Variants in SYT14 observed in about 807,000 individuals in gnomAD.
SYT14 encodes the protein synaptotagmin-14.
SYT14 carries 32 observed loss-of-function variants against 74.2 expected under a neutral mutation model. The observed-to-expected ratio is 0.43, with a 90% CI of 0.33 to 0.58. The LOEUF (loss-of-function observed/expected upper bound fraction) is 0.58. Ranked by LOEUF, SYT14 falls within the 20% of genes least tolerant of loss-of-function variation. The probability of loss-of-function intolerance (pLI) is 0.05; values close to 1 mark genes in which losing one functional copy is unlikely to be tolerated. For synonymous variants in SYT14, 298 were observed against 337.7 expected, an observed-to-expected ratio of 0.88 and a Z score of 1.29; for missense variants, 791 against 981.8, an observed-to-expected ratio of 0.81 and a Z score of 2.60.
intron 5 of SYT14, among the ~76,000 whole-genome samples, chr1:210,037,118 G>A (rs749666939): frequency 1.3e-5 from 2 of 151,814 alleles, no homozygotes; most frequent in Non-Finnish European, 2.9e-5. Context: ...ACTCATTATT[G>A]GTCTGTTCAG....
In SYT14 at chr1:210,005,064, A is replaced by T. The variant is rs557158022; in HGVS notation, c.-485-8569A>T. Reference sequence around the variant, plus strand: ...TTTATTTAGTGGATAAGAAAACATGATATGCTGGTAAGGTTAGATGAAGCT... The same window carrying T: ...TTTATTTAGTGGATAAGAAAACATGTTATGCTGGTAAGGTTAGATGAAGCT... On this transcript the variant is annotated intron_variant, in intron 2 of 9. Transcript: ENST00000637265. Among the ~76,000 whole-genome samples, 6 of 152,112 alleles carry T rather than the reference A, an allele frequency of 3.9e-5. No individual in the cohort carries two copies. The East Asian group carries it at 1.2e-3, about 29-fold the overall frequency.
At chr1:210,075,617 G>A (rs2081484967) in intron 5 of SYT14, among the ~76,000 whole-genome samples, 1 of 152,170 alleles carries the variant, frequency 6.6e-6, no homozygotes, top group Non-Finnish European at 1.5e-5. Flanking sequence ...ACAGGCATGA[G>A]CCACCGTGCC....
At chr1:210,133,359 A>T in intron 7 of SYT14, among the ~76,000 whole-genome samples, 1 of 152,192 alleles carries the variant, frequency 6.6e-6, no homozygotes, top group East Asian at 1.9e-4. Flanking sequence ...TCAAATTTAT[A>T]CCAGAAGCTA....
chr1:210,016,616 A>G, exon 4 of SYT14: 1 of 1,231,976 alleles, frequency 8.1e-7, no homozygotes, highest in Non-Finnish European at 1.0e-6. Context: ...GAAGAATGCC[A>G]ACGGAATAAA....
At chr1:210,009,703 C>G (rs961316974) in intron 2 of SYT14, among the ~76,000 whole-genome samples, 4 of 152,094 alleles carry the variant, frequency 2.6e-5, no homozygotes, top group African/African-American at 9.7e-5. Flanking sequence ...CTGACCTTTA[C>G]CAGAACATCA....
At chr1:209,971,796 G>T (rs2079260834) in intron 2 of SYT14, among the ~76,000 whole-genome samples, 1 of 152,110 alleles carries the variant, frequency 6.6e-6, no homozygotes. Context: ...CTAATATTTT[G>T]TTGAGAATTT....
At chr1:210,149,448 G>A (rs2083114764) in intron 7 of SYT14, among the ~76,000 whole-genome samples, 1 of 152,040 alleles carries the variant, frequency 6.6e-6, no homozygotes, top group Non-Finnish European at 1.5e-5. Flanking sequence ...GCCTCCCAAA[G>A]TGCTGGGATT....
Position 210,027,868 on chromosome 1 carries a change from A to G in SYT14, c.1312+6614A>G, listed in dbSNP as rs554627995. On this transcript the variant is annotated intron_variant, in intron 5 of 9. Coordinates refer to ENST00000637265, the Ensembl canonical transcript of SYT14. Reference sequence around the variant, plus strand: ...ATTTTATTTTATTTTTTACATCTACAGTATTTTTCCCTTTTTATTCCTTAT... The same window carrying G: ...ATTTTATTTTATTTTTTACATCTACGGTATTTTTCCCTTTTTATTCCTTAT... Among the ~76,000 whole-genome samples, 92 of 152,236 alleles carry G rather than the reference A, an allele frequency of 6.0e-4. 1 individual carries two copies. Among genetic ancestry groups the G allele is most frequent in the African/African-American group, 2.2e-3 (92 of 41,526 alleles).
intron 4 of SYT14, among the ~76,000 whole-genome samples, chr1:210,018,172 T>C (rs2080225646): frequency 6.6e-6 from 1 of 152,362 alleles, no homozygotes; most frequent in African/African-American, 2.4e-5. Context: ...TCTTGCGCTG[T>C]CGCCAGGCTG....
intron 7 of SYT14, among the ~76,000 whole-genome samples, chr1:210,146,466 C>G (rs565334057): frequency 5.3e-4 from 81 of 152,042 alleles, no homozygotes; most frequent in Admixed American, 1.4e-3. Context: ...AAAATGTAAA[C>G]AGTGTATTAG....
chr1:210,062,802 G>A lies in SYT14; in HGVS notation c.1313-31520G>A, dbSNP rs181598528. Among the ~76,000 whole-genome samples the A allele has an allele frequency of 2.4e-3, 361 of 151,510 alleles. 3 individuals carry two copies. Among genetic ancestry groups the A allele is most frequent in the Non-Finnish European group, 3.7e-3 (251 of 67,688 alleles). On this transcript the variant is annotated intron_variant, in intron 5 of 9. Coordinates refer to ENST00000637265, the Ensembl canonical transcript of SYT14. ...CTAACGTTTTAATTGTTCTTTAATT[G>A]TGAAAATAATTTCTAGTTTTAAAGT...
intron 7 of SYT14, among the ~76,000 whole-genome samples, chr1:210,103,447 G>A (rs1643356636): frequency 6.6e-6 from 1 of 151,550 alleles, no homozygotes; most frequent in African/African-American, 2.4e-5. Flanking sequence ...CTACTCGGGA[G>A]GCTGAGACAG....
chr1:210,054,185 G>T (rs190162684), intron 5 of SYT14, among the ~76,000 whole-genome samples: 131 of 152,174 alleles, frequency 8.6e-4, no homozygotes, highest in African/African-American at 2.9e-3. Flanking sequence ...CATTGTTGAT[G>T]CCAGGTATTT....
chr1:210,011,483 C>T (rs796656815), intron 2 of SYT14, among the ~76,000 whole-genome samples: 6 of 152,294 alleles, frequency 3.9e-5, no homozygotes, highest in African/African-American at 1.2e-4. Context: ...GCACTCCTAC[C>T]GTTCCTCCCG....
chr1:210,143,234 A>G (rs1321409143), intron 7 of SYT14, among the ~76,000 whole-genome samples: 1 of 152,234 alleles, frequency 6.6e-6, no homozygotes, highest in Non-Finnish European at 1.5e-5. Context: ...ATTTTAAAAC[A>G]TTGCAGCTAG....
chr1:210,038,718 GTTT>G (rs1386271730), intron 5 of SYT14, among the ~76,000 whole-genome samples: 2 of 151,980 alleles, frequency 1.3e-5, no homozygotes, highest in Non-Finnish European at 2.9e-5. Context: ...TGACAGTTTT[GTTT>G]TTAAGTCCGA....
At chr1:210,087,309 G>A (rs1392367502) in intron 5 of SYT14, among the ~76,000 whole-genome samples, 1 of 152,130 alleles carries the variant, frequency 6.6e-6, no homozygotes, top group Non-Finnish European at 1.5e-5. Context: ...ACCTTACCCT[G>A]CTCAGGCTCT....
exon 10 of SYT14, chr1:210,162,523 A>G (rs1207634369): frequency 8.7e-6 from 3 of 345,662 alleles, no homozygotes; most frequent in South Asian, 4.8e-5. Context: ...AGTATGTTTT[A>G]TATATATTAA....
At chr1:210,099,445 T>A (rs1334569) in intron 6 of SYT14, among the ~76,000 whole-genome samples, 2 of 152,002 alleles carry the variant, frequency 1.3e-5, no homozygotes, top group Non-Finnish European at 2.9e-5. Flanking sequence ...AAGTAAATAT[T>A]TGACCGCTAA....
Sources: allele counts gnomAD v4.1 joint callset (sites outside exome capture counted in the v4.1 genomes callset), GRCh38; gene constraint gnomAD v4.1.1; transcripts MANE v1.5; gene names NCBI Gene and HGNC (gene_info 2026-07-23, HGNC 2026-07-21).